The following RBPJL variants were observed in gnomAD, a reference collection of about 807,000 sequenced individuals.
The protein encoded by RBPJL is recombination signal binding protein for immunoglobulin kappa J region like.
A neutral mutation model predicts 57.6 loss-of-function variants in RBPJL; 50 were observed. That is an observed-to-expected ratio of 0.87 (90% CI 0.69 to 1.10). The LOEUF (loss-of-function observed/expected upper bound fraction) is 1.10. RBPJL is among the 50% of genes least tolerant of loss of function. The pLI is 0.00. For synonymous variants in RBPJL, 303 were observed against 294.4 expected, an observed-to-expected ratio of 1.03 and a Z score of -0.30; for missense variants, 684 against 693.7, an observed-to-expected ratio of 0.99 and a Z score of 0.16.
chr20:45,316,187 G>A lies in RBPJL; in HGVS notation c.1021G>A (p.Ala341Thr). The A allele has an allele frequency of 1.2e-6, 2 of 1,613,120 alleles. No homozygotes were observed. The highest frequency in any genetic ancestry group is 1.7e-6 in the Non-Finnish European group (2 of 1,179,172). The change falls in exon 10 of 12, where the codon GCC (alanine) becomes ACC (threonine). Residue 341 changes from alanine to threonine, a missense_variant and splice_region_variant. Coordinates refer to ENST00000343694, the MANE Select transcript of RBPJL (RefSeq NM_014276.4). ...LATEKVVQFQ[A>T]SPCPKEANRA... Reference sequence around the variant, plus strand: ...CTCGTCCCCTTGGGTCTCCTCCCAGGCCTCTCCCTGCCCCAAGGAGGCGAA... The same window carrying A: ...CTCGTCCCCTTGGGTCTCCTCCCAGACCTCTCCCTGCCCCAAGGAGGCGAA...
intron 3 of RBPJL, 100 bp downstream of exon 3, chr20:45,309,792 C>G: frequency 2.0e-6 from 3 of 1,477,316 alleles, no homozygotes; most frequent in Non-Finnish European, 2.8e-6. Flanking sequence ...GAGCAGGCCT[C>G]AGGGCTGAGA....
Position 45,314,437 on chromosome 20 carries a change from T to C in RBPJL, c.892T>C (p.Cys298Arg). 1.2e-6 allele frequency: 2 copies of C among 1,614,070 alleles called. No homozygotes were observed. Among genetic ancestry groups the C allele is most frequent in the Non-Finnish European group, 1.7e-6 (2 of 1,179,942 alleles). ...GATCATCCGTAAAGTAGCAAAACAG[T>C]GTGCGCTCCTTGATGTGGATGAGCC... The part of the protein sequence containing the change: ...PMIIRKVAKQ[C>R]ALLDVDEPIS... The change falls in exon 9 of 12, where the codon TGT becomes CGT. Residue 298 changes from cysteine (C) to arginine (R), a missense_variant. Coordinates refer to ENST00000343694, the MANE Select transcript of RBPJL (RefSeq NM_014276.4).
At chr20:45,308,428 C>T in intron 2 of RBPJL, 177 bp downstream of exon 2, 2 of 587,572 alleles carry the variant, frequency 3.4e-6, no homozygotes, top group South Asian at 2.0e-5. Context: ...AAACCCAGCA[C>T]CCCCTGCTCC....
Position 45,312,391 on chromosome 20 carries a change from C to T in RBPJL, c.615C>T (p.Thr205=), listed in dbSNP as rs1162002287. 1.2e-6 allele frequency: 2 copies of T among 1,612,894 alleles called. No individual in the cohort carries two copies. The highest frequency in any genetic ancestry group is 1.3e-5 in the African/African-American group (1 of 74,922). ...PSQKKQSLKN[T]DLCISSGSKV... ...AGAAGAAGCAGTCGCTGAAAAACAC[C>T]GATCGTGAGCAGGGCGGGGCCTGAC... The change falls in exon 6 of 12, where the codon ACC becomes ACT. Residue 205 remains threonine, a synonymous_variant. Coordinates refer to ENST00000343694, the MANE Select transcript of RBPJL (RefSeq NM_014276.4).
At chr20:45,313,718 A>G in intron 7 of RBPJL, 113 bp downstream of exon 7, 9 of 1,167,868 alleles carry the variant, frequency 7.7e-6, no homozygotes, top group Non-Finnish European at 9.4e-6. Flanking sequence ...TAAGGCTCAG[A>G]AACACAAAAA....
In RBPJL at chr20:45,306,885, G is replaced by C; in HGVS notation, c.-38G>C. ...GACAGCAGCACTGGACTCGTCCAGAGGGCGGCGGGTGAGCGGCTGGGGCCC... is the reference window on the plus strand; with the variant it reads ...GACAGCAGCACTGGACTCGTCCAGACGGCGGCGGGTGAGCGGCTGGGGCCC... On this transcript the variant is annotated 5_prime_UTR_variant, in exon 1 of 12. Coordinates refer to ENST00000343694, the MANE Select transcript of RBPJL (RefSeq NM_014276.4). 8.0e-7 allele frequency: 1 copy of C among 1,256,204 alleles called. No individual in the cohort carries two copies. Among genetic ancestry groups the C allele is most frequent in the Non-Finnish European group, 1.0e-6 (1 of 992,810 alleles). 77.8% of individuals were successfully genotyped at this position (1,256,204 alleles called of 1,614,324 possible).
chr20:45,308,068 C>A, intron 1 of RBPJL, 75 bp from the exon 2 acceptor site: 1 of 1,043,248 alleles, frequency 9.6e-7, no homozygotes, highest in Non-Finnish European at 1.5e-6. Context: ...CACTGCAAAT[C>A]AGATAGGGCA....
Position 45,311,668 on chromosome 20 carries a change from G to A in RBPJL, c.328+9G>A, listed in dbSNP as rs1008130391. ...GCCAGGGCAGGATCAAGGTGAGGGCGGAATCAAGGGCTGCCGGCCGCCTGC... is the reference window on the plus strand; with the variant it reads ...GCCAGGGCAGGATCAAGGTGAGGGCAGAATCAAGGGCTGCCGGCCGCCTGC... On this transcript the variant is annotated intron_variant, in intron 4 of 11. Coordinates refer to ENST00000343694, the MANE Select transcript of RBPJL (RefSeq NM_014276.4). 2 of 1,613,780 alleles carry A rather than the reference G, an allele frequency of 1.2e-6. No homozygotes were observed. The highest frequency in any genetic ancestry group is 1.7e-6 in the Non-Finnish European group (2 of 1,179,850).
intron 1 of RBPJL, among the ~76,000 whole-genome samples, chr20:45,307,526 G>A (rs59006169): frequency 0.018 from 2,746 of 152,268 alleles, 83 homozygotes; most frequent in African/African-American, 0.062. Context: ...CAGCATGAGG[G>A]CTAAGGCACA....
At position 45,316,986 on chromosome 20, in the gene RBPJL, C is replaced by G. The variant is rs755609666; in HGVS notation, c.*27C>G. ...CGCGCCCGGTAGCCCCGGCTGCCCACCCTGGAGGGCTGCGCCCGCGCCAGG... is the reference window on the plus strand; with the variant it reads ...CGCGCCCGGTAGCCCCGGCTGCCCAGCCTGGAGGGCTGCGCCCGCGCCAGG... On this transcript the variant is annotated 3_prime_UTR_variant, in exon 12 of 12. Transcript: ENST00000343694. The G allele has an allele frequency of 9.4e-6, 15 of 1,596,458 alleles. No individual in the cohort carries two copies. Among genetic ancestry groups the G allele is most frequent in the Middle Eastern group, 1.7e-4 (1 of 5,918 alleles).
In RBPJL at chr20:45,312,228, G is replaced by T; in HGVS notation, c.452G>T (p.Gly151Val). 6.2e-7 allele frequency: 1 copy of T among 1,614,206 alleles called. No homozygotes were observed. Reference sequence around the variant, plus strand: ...TACCTGTGAGCCCCCTAGGAATTCGGCTGCGCCAAGACCCTGTACATCTCA... The same window carrying T: ...TACCTGTGAGCCCCCTAGGAATTCGTCTGCGCCAAGACCCTGTACATCTCA... ...FEQQPDSREFGCAKTLYISDA... is the reference protein window; with the variant it reads ...FEQQPDSREFVCAKTLYISDA... Residue 151 changes from glycine (G) to valine (V), a missense_variant, in exon 6 of 12, where the codon GGC becomes GTC. Gly to Val is a moderately radical substitution (Grantham distance 109). Coordinates refer to ENST00000343694, the MANE Select transcript of RBPJL (RefSeq NM_014276.4).
chr20:45,309,423 G>A (rs1396179786), intron 2 of RBPJL, 144 bp from the exon 3 acceptor site: 5 of 785,728 alleles, frequency 6.4e-6, no homozygotes, highest in Non-Finnish European at 9.4e-6. Context: ...TGACCCCACA[G>A]GGGCAGGATA....
intron 6 of RBPJL, among the ~76,000 whole-genome samples, chr20:45,312,970 G>A (rs996324014): frequency 2.0e-5 from 3 of 151,414 alleles, no homozygotes; most frequent in Non-Finnish European, 4.4e-5. Context: ...ATAGCACCAC[G>A]GCAGTCCAGC....
At position 45,316,866 on chromosome 20, in the gene RBPJL, C is replaced by T; in HGVS notation, c.1461C>T (p.Gly487=). The change falls in exon 12 of 12, where the codon GGC becomes GGT. Residue 487 remains glycine (G), a synonymous_variant. Coordinates refer to ENST00000343694, the MANE Select transcript of RBPJL (RefSeq NM_014276.4). ...ACAGCGTGCGGCCGGGTCACCCCGG[C>T]GTCCCCGAGCCCGCCACCGACGCCG... The part of the protein sequence containing the change: ...PEYSVRPGHP[G]VPEPATDADA... 1 of 1,613,864 alleles carries T rather than the reference C, an allele frequency of 6.2e-7. No homozygotes were observed. The highest frequency in any genetic ancestry group is 1.3e-5 in the African/African-American group (1 of 75,052).
At chr20:45,309,506 C>A in intron 2 of RBPJL, 61 bp from the exon 3 acceptor site, 1 of 1,540,664 alleles carries the variant, frequency 6.5e-7, no homozygotes, top group Admixed American at 2.0e-5. Context: ...GTGCTTGGAC[C>A]CTGTGCCACC....
Position 45,313,543 on chromosome 20 carries a change from CTG to C in RBPJL, c.698_699del (p.Val233GlyfsTer21). ...CAGACGGTCTCCACACGCTACCTCT[CTG>C]TGGAGGATGGGGCCTTTGTGGCCAG... On this transcript the variant is annotated frameshift_variant, in exon 7 of 12. Transcript: ENST00000343694. LOFTEE classifies it high-confidence loss of function. 2 of 1,614,070 alleles carry C rather than the reference CTG, an allele frequency of 1.2e-6. No homozygotes were observed. Among genetic ancestry groups the C allele is most frequent in the Non-Finnish European group, 1.7e-6 (2 of 1,179,974 alleles).
At chr20:45,312,128 C>T (rs199903256) in intron 5 of RBPJL, 93 bp from the exon 6 acceptor site, 34,993 of 1,583,760 alleles carry the variant, frequency 0.022, 486 homozygotes, top group South Asian at 0.029. Flanking sequence ...CTGGTCACCT[C>T]CGACGGGGCG....
chr20:45,316,357 T>C lies in RBPJL; in HGVS notation c.1176+15T>C. On this transcript the variant is annotated intron_variant, in intron 10 of 11. Transcript: ENST00000343694. ...GCACCCTAGAGGTGAAGCCGGGCGC[T>C]AGGGGCGTTGGGCAGGGGGACCCTG... is the stretch of plus-strand genomic sequence containing the variant. 2.5e-6 allele frequency: 4 copies of C among 1,612,970 alleles called. No homozygotes were observed. Among genetic ancestry groups the C allele is most frequent in the Non-Finnish European group, 3.4e-6 (4 of 1,179,306 alleles).
intron 9 of RBPJL, among the ~76,000 whole-genome samples, chr20:45,315,582 T>G (rs1319922377): frequency 6.6e-6 from 1 of 151,454 alleles, no homozygotes; most frequent in African/African-American, 2.4e-5. Context: ...CTACTAAAAA[T>G]ACAAAAAAAT....
Sources: gnomAD v4.1 joint callset for allele counts (sites outside exome capture counted in the v4.1 genomes callset) on GRCh38, gnomAD v4.1.1 for gene constraint, MANE v1.5 for transcripts, NCBI Gene and HGNC (gene_info 2026-07-23, HGNC 2026-07-21) for gene names.